The following FAM98B variants were observed in gnomAD, a reference collection of about 807,000 sequenced individuals.
FAM98B encodes tRNA-splicing ligase complex subunit FAM98B.
Under a neutral mutation model 43.9 loss-of-function variants are expected in FAM98B, and 32 were observed. The ratio of observed to expected loss-of-function variants is 0.73; its 90% CI spans 0.55 to 0.98. FAM98B has a LOEUF of 0.98. FAM98B is among the 50% of genes least tolerant of loss of function. The pLI is 0.00. For synonymous variants in FAM98B, 190 were observed against 174.0 expected (o/e 1.09, Z -0.72); for missense variants, 514 against 522.9 (o/e 0.98, Z 0.17).
chr15:38,471,563 C>T (rs2141057822), intron 4 of FAM98B, among the ~76,000 whole-genome samples: 1 of 152,040 alleles, frequency 6.6e-6, no homozygotes, highest in East Asian at 1.9e-4. Flanking sequence ...TTGAAGTAGT[C>T]TGTAATGCCT....
intron 7 of FAM98B, chr15:38,482,153 C>A (rs1005366732): frequency 6.5e-6 from 1 of 152,840 alleles, no homozygotes; most frequent in Non-Finnish European, 1.5e-5. Context: ...TAAAGCATCG[C>A]TTCTCACTCA....
At position 38,486,953 on chromosome 15, in the gene FAM98B, A is replaced by T. The variant is rs1394964698; in HGVS notation, c.*2294A>T. The T allele has an allele frequency of 6.6e-6, 1 of 152,002 alleles. No homozygotes were observed. Among genetic ancestry groups the T allele is most frequent in the Non-Finnish European group, 1.5e-5 (1 of 67,952 alleles). 9.4% of individuals were successfully genotyped at this position (152,002 alleles called of 1,614,324 possible). ...TTCCTAAAATCCAACACTTTTTTTG[A>T]TACCTCCTTTTCATTCTTTTTTGCC... is the stretch of plus-strand genomic sequence containing the variant. On this transcript the variant is annotated 3_prime_UTR_variant, in exon 8 of 8. Coordinates refer to ENST00000397609, the MANE Select transcript of FAM98B (RefSeq NM_173611.4).
intron 4 of FAM98B, among the ~76,000 whole-genome samples, chr15:38,472,480 C>A (rs960778441): frequency 6.6e-6 from 1 of 151,962 alleles, no homozygotes; most frequent in Non-Finnish European, 1.5e-5. Context: ...TCTTTCTAAG[C>A]TAATTTTTTT....
chr15:38,470,440 C>T, intron 4 of FAM98B, 35 bp downstream of exon 4: 1 of 1,538,034 alleles, frequency 6.5e-7, no homozygotes, highest in Non-Finnish European at 8.8e-7. Flanking sequence ...CAAAATTCAA[C>T]TGAATGGTAA....
At chr15:38,467,603 T>G (rs1322190936) in intron 3 of FAM98B, among the ~76,000 whole-genome samples, 4 of 152,190 alleles carry the variant, frequency 2.6e-5, no homozygotes, top group Admixed American at 6.5e-5. Context: ...CAATGTCACA[T>G]TAAAATTCAC....
chr15:38,480,545 T>A (rs923476215), intron 6 of FAM98B, among the ~76,000 whole-genome samples: 6 of 151,974 alleles, frequency 3.9e-5, no homozygotes, highest in African/African-American at 1.4e-4. Flanking sequence ...TCTCTCTATA[T>A]TTTGGGGAAA....
chr15:38,463,925 TAA>T, intron 1 of FAM98B, 105 bp from the exon 2 acceptor site: 2 of 1,082,348 alleles, frequency 1.8e-6, no homozygotes, highest in Non-Finnish European at 2.6e-6. Context: ...TGTGTTCCAA[TAA>T]CATTTTATTT....
intron 1 of FAM98B, among the ~76,000 whole-genome samples, chr15:38,454,836 A>G (rs1159382575): frequency 6.6e-6 from 1 of 152,002 alleles, no homozygotes; most frequent in Non-Finnish European, 1.5e-5. Context: ...TTTTCAGATT[A>G]CTCTTGGCTT....
intron 6 of FAM98B, among the ~76,000 whole-genome samples, chr15:38,480,264 GTTA>G (rs1330829944): frequency 3.9e-5 from 6 of 152,002 alleles, no homozygotes; most frequent in African/African-American, 1.4e-4. Flanking sequence ...CTGTATTATT[GTTA>G]TTATTACAGA....
chr15:38,476,377 G>A (rs1391286609), intron 6 of FAM98B, among the ~76,000 whole-genome samples: 1 of 150,976 alleles, frequency 6.6e-6, no homozygotes, highest in African/African-American at 2.4e-5. Flanking sequence ...TGCCCTACTA[G>A]ATGGACCTTT....
At chr15:38,484,209 C>G (rs1404864552) in intron 7 of FAM98B, 46 bp from the exon 8 acceptor site, 11 of 1,525,302 alleles carry the variant, frequency 7.2e-6, no homozygotes, top group South Asian at 1.2e-5. Context: ...TTTATGTAAA[C>G]TTTTTTGAAA....
Position 38,477,113 on chromosome 15 carries a change from C to T in FAM98B, c.729+2815C>T, listed in dbSNP as rs74553225. On this transcript the variant is annotated intron_variant, in intron 6 of 7. Transcript: ENST00000397609. ...AGGAGTTCAAAACCAGCGTGATCAA[C>T]ATAGCGAGTCACAGTCTCTTAAAAC... Among the ~76,000 whole-genome samples, 258 of 151,880 alleles carry T rather than the reference C, an allele frequency of 1.7e-3. 1 individual carries two copies. Among genetic ancestry groups the T allele is most frequent in the African/African-American group, 5.8e-3 (242 of 41,398 alleles).
At chr15:38,454,895 C>T (rs1484441730) in intron 1 of FAM98B, among the ~76,000 whole-genome samples, 1 of 152,186 alleles carries the variant, frequency 6.6e-6, no homozygotes, top group African/African-American at 2.4e-5. Flanking sequence ...ATTTACAGTG[C>T]AGAATGGTAA....
chr15:38,469,527 T>G (rs1417954947), intron 3 of FAM98B, among the ~76,000 whole-genome samples: 1 of 152,180 alleles, frequency 6.6e-6, no homozygotes, highest in African/African-American at 2.4e-5. Context: ...TACTGGATTT[T>G]ATACTCTTTG....
chr15:38,472,972 G>T (rs957557586), intron 4 of FAM98B, among the ~76,000 whole-genome samples: 1 of 152,120 alleles, frequency 6.6e-6, no homozygotes, highest in Non-Finnish European at 1.5e-5. Flanking sequence ...AATGTTTCAA[G>T]TAATTTAAAT....
chr15:38,460,039 T>C (rs1889922648), intron 1 of FAM98B, among the ~76,000 whole-genome samples: 1 of 152,164 alleles, frequency 6.6e-6, no homozygotes, highest in Non-Finnish European at 1.5e-5. Context: ...AGGCCCTGGT[T>C]GTATTGTTGA....
chr15:38,468,251 T>C (rs1450336349), intron 3 of FAM98B, among the ~76,000 whole-genome samples: 1 of 152,192 alleles, frequency 6.6e-6, no homozygotes, highest in Non-Finnish European at 1.5e-5. Flanking sequence ...AAGTTTTTAT[T>C]ATGAGATGGG....
intron 1 of FAM98B, among the ~76,000 whole-genome samples, chr15:38,455,169 G>C (rs1419761105): frequency 6.6e-6 from 1 of 152,166 alleles, no homozygotes; most frequent in Non-Finnish European, 1.5e-5. Context: ...ACACTAGAAC[G>C]GAGTCTTTTA....
At chr15:38,474,120 T>C (rs1890162831) in intron 5 of FAM98B, 62 bp from the exon 6 acceptor site, 1 of 1,269,024 alleles carries the variant, frequency 7.9e-7, no homozygotes, top group African/African-American at 1.5e-5. Flanking sequence ...AATTTTCAGA[T>C]TTCTTTTCTT....
Sources: gnomAD v4.1 joint callset for allele counts (sites outside exome capture counted in the v4.1 genomes callset) on GRCh38, gnomAD v4.1.1 for gene constraint, MANE v1.5 for transcripts, NCBI Gene and HGNC (gene_info 2026-07-23, HGNC 2026-07-21) for gene names.